The following COG4 variants were observed in gnomAD, a reference collection of about 807,000 sequenced individuals.
COG4 encodes the protein conserved oligomeric Golgi complex subunit 4.
Under a neutral mutation model 95.1 loss-of-function variants are expected in COG4, and 65 were observed. The ratio of observed to expected loss-of-function variants is 0.68; its 90% CI spans 0.56 to 0.84. The LOEUF is 0.84. COG4 is among the 40% of genes least tolerant of loss of function. The pLI is 0.00. For missense variants in COG4, 1,045 were observed against 989.1 expected (o/e 1.06, Z -0.76); for synonymous variants, 421 against 374.8 (o/e 1.12, Z -1.42).
At chr16:70,516,408 T>C (rs2151763025) in intron 3 of COG4, among the ~76,000 whole-genome samples, 1 of 152,150 alleles carries the variant, frequency 6.6e-6, no homozygotes. Flanking sequence ...GCTATTCTCC[T>C]GCCTCAGACT....
In COG4 at chr16:70,497,381, C is replaced by CCA; in HGVS notation, c.1319_1320dup (p.Ala441TrpfsTer11). On this transcript the variant is annotated frameshift_variant, in exon 11 of 19. Transcript: ENST00000323786. LOFTEE classifies it high-confidence loss of function. ...TGGCCCTTCTCATAGGTGTCCAGAGCCACAGCCTACCCAAAAGGCAAAGCC... is the reference window on the plus strand; with the variant it reads ...TGGCCCTTCTCATAGGTGTCCAGAGCCACACAGCCTACCCAAAAGGCAAAGCC... 6.2e-7 allele frequency: 1 copy of CCA among 1,613,068 alleles called. No individual in the cohort carries two copies. The highest frequency in any genetic ancestry group is 8.5e-7 in the Non-Finnish European group (1 of 1,180,006).
chr16:70,515,083 T>C (rs1419052216), intron 3 of COG4, among the ~76,000 whole-genome samples: 2 of 146,552 alleles, frequency 1.4e-5, no homozygotes, highest in Non-Finnish European at 3.0e-5. Flanking sequence ...TGGTGCAATC[T>C]TGGCTCACTG....
rs774975392 is a variant in COG4, at chr16:70,514,522, T to A, written c.370-13A>T. 3.7e-6 allele frequency: 6 copies of A among 1,613,192 alleles called. No homozygotes were observed. Among genetic ancestry groups the A allele is most frequent in the Non-Finnish European group, 4.2e-6 (5 of 1,179,614 alleles). Reference sequence around the variant, plus strand: ...GATAGAGGCGGTTCTGCAAAAAGATTTGGTACTTACAAACAATGTCCTATT... The same window carrying A: ...GATAGAGGCGGTTCTGCAAAAAGATATGGTACTTACAAACAATGTCCTATT... On this transcript the variant is annotated splice_polypyrimidine_tract_variant and intron_variant, in intron 3 of 18. Coordinates refer to ENST00000323786, the MANE Select transcript of COG4 (RefSeq NM_015386.3).
Position 70,483,976 on chromosome 16 carries a change from G to C in COG4, c.1711-7C>G, listed in dbSNP as rs772080161. On this transcript the variant is annotated splice_polypyrimidine_tract_variant and splice_region_variant and intron_variant, in intron 13 of 18. Coordinates refer to ENST00000323786, the MANE Select transcript of COG4 (RefSeq NM_015386.3). ...AGAGCTTGGTGCAGTCACTCTAGGGGAGAACACTGCTGTAAGACCACCGAG... is the reference window on the plus strand; with the variant it reads ...AGAGCTTGGTGCAGTCACTCTAGGGCAGAACACTGCTGTAAGACCACCGAG... 2 of 1,602,346 alleles carry C rather than the reference G, an allele frequency of 1.2e-6. No homozygotes were observed. Among genetic ancestry groups the C allele is most frequent in the Middle Eastern group, 1.7e-4 (1 of 6,038 alleles).
chr16:70,521,221 C>CTT (rs796994153), intron 1 of COG4, among the ~76,000 whole-genome samples: 1 of 144,742 alleles, frequency 6.9e-6, no homozygotes, highest in African/African-American at 2.5e-5. Context: ...GGCAGCTATA[C>CTT]TTTTTTTTTT....
At chr16:70,499,190 A>T (rs962065047) in intron 9 of COG4, among the ~76,000 whole-genome samples, 5 of 152,104 alleles carry the variant, frequency 3.3e-5, no homozygotes, top group Admixed American at 6.6e-5. Flanking sequence ...TTTTTTTATT[A>T]AATTTTTTTT....
intron 15 of COG4, 121 bp from the exon 16 acceptor site, chr16:70,482,296 C>G: frequency 1.3e-6 from 1 of 760,678 alleles, no homozygotes. Flanking sequence ...TGCCTTCTGA[C>G]TCATCTAGTT....
Position 70,510,025 on chromosome 16 carries a change from A to G in COG4, c.739-4T>C. On this transcript the variant is annotated splice_polypyrimidine_tract_variant and splice_region_variant and intron_variant, in intron 5 of 18. Coordinates refer to ENST00000323786, the MANE Select transcript of COG4 (RefSeq NM_015386.3). ...TCTCCTCAGCTTTACTGGCCACCTA[A>G]AAAAGGAGAAAACCCACACACATTC... The G allele has an allele frequency of 6.2e-7, 1 of 1,611,790 alleles. No individual in the cohort carries two copies. The highest frequency in any genetic ancestry group is 1.1e-5 in the South Asian group (1 of 91,034).
intron 5 of COG4, among the ~76,000 whole-genome samples, chr16:70,510,481 C>T (rs920021916): frequency 6.6e-6 from 1 of 152,142 alleles, no homozygotes; most frequent in Non-Finnish European, 1.5e-5. Flanking sequence ...AGCCACCATG[C>T]CCGGCTAATT....
intron 1 of COG4, among the ~76,000 whole-genome samples, chr16:70,522,665 A>G (rs2049974477): frequency 6.6e-6 from 1 of 152,226 alleles, no homozygotes; most frequent in Admixed American, 6.5e-5. Context: ...TCTTTTGACT[A>G]GCAAGGAACC....
In COG4 at chr16:70,482,179, T is replaced by C; in HGVS notation, c.1921-4A>G. 1 of 1,599,956 alleles carries C rather than the reference T, an allele frequency of 6.3e-7. No individual in the cohort carries two copies. Among genetic ancestry groups the C allele is most frequent in the Non-Finnish European group, 8.6e-7 (1 of 1,167,108 alleles). On this transcript the variant is annotated splice_region_variant and splice_polypyrimidine_tract_variant and intron_variant, in intron 15 of 18. Coordinates refer to ENST00000323786, the MANE Select transcript of COG4 (RefSeq NM_015386.3). ...CCTCATAGTCATTGAATTCTTCCTG[T>C]TGTCAGGAAGCAGGGCTGGTCACCA...
chr16:70,481,873 C>T lies in COG4; in HGVS notation c.2005-8G>A, dbSNP rs1188315876. 4 of 1,611,878 alleles carry T rather than the reference C, an allele frequency of 2.5e-6. No individual in the cohort carries two copies. The highest frequency in any genetic ancestry group is 2.5e-6 in the Non-Finnish European group (3 of 1,178,668). ...GACCGGGGACAGGCTGGCCTGCACA[C>T]AGAGGGTTGACATCAGCCGAGCCCC... On this transcript the variant is annotated splice_region_variant and splice_polypyrimidine_tract_variant and intron_variant, in intron 16 of 18. Coordinates refer to ENST00000323786, the MANE Select transcript of COG4 (RefSeq NM_015386.3).
At chr16:70,482,974 T>C in intron 14 of COG4, among the ~76,000 whole-genome samples, 153 bp from the exon 15 acceptor site, 1 of 115,346 alleles carries the variant, frequency 8.7e-6, no homozygotes, top group Non-Finnish European at 1.8e-5. Flanking sequence ...TTCTTCCTTC[T>C]CTCCTCTCCC....
chr16:70,487,282 T>TAA (rs1311298221), intron 13 of COG4, among the ~76,000 whole-genome samples: 3 of 98,788 alleles, frequency 3.0e-5, no homozygotes, highest in African/African-American at 4.5e-5. Flanking sequence ...TCTCAAAAAA[T>TAA]AAAAAAATAA....
intron 15 of COG4, chr16:70,482,384 A>C (rs1289947484): frequency 7.8e-6 from 5 of 637,640 alleles, no homozygotes; most frequent in Non-Finnish European, 8.4e-6. Context: ...CCCACATAAC[A>C]TGGTAAAGTT....
chr16:70,510,109 A>G, intron 5 of COG4, 88 bp from the exon 6 acceptor site: 1 of 1,120,834 alleles, frequency 8.9e-7, no homozygotes, highest in South Asian at 1.3e-5. Context: ...CCTCCCATTG[A>G]CTTTCTTTTT....
intron 9 of COG4, among the ~76,000 whole-genome samples, chr16:70,500,252 G>C (rs1202360432): frequency 1.3e-5 from 2 of 152,000 alleles, no homozygotes; most frequent in South Asian, 2.1e-4. Context: ...TTACAGGTGT[G>C]AGCCACTGCA....
At chr16:70,493,692 G>A (rs564710794) in intron 12 of COG4, among the ~76,000 whole-genome samples, 1 of 152,292 alleles carries the variant, frequency 6.6e-6, no homozygotes, top group East Asian at 1.9e-4. Context: ...AGAGACTGAC[G>A]GGGACTTGGG....
intron 4 of COG4, among the ~76,000 whole-genome samples, chr16:70,513,134 G>T (rs2049747137): frequency 6.6e-6 from 1 of 152,208 alleles, no homozygotes; most frequent in Non-Finnish European, 1.5e-5. Flanking sequence ...GACATGAATA[G>T]AAGCAGAAAG....
Sources: gnomAD v4.1 joint callset for allele counts (sites outside exome capture counted in the v4.1 genomes callset) on GRCh38, gnomAD v4.1.1 for gene constraint, MANE v1.5 for transcripts, NCBI Gene and HGNC (gene_info 2026-07-23, HGNC 2026-07-21) for gene names.